SORCS3: variants seen among roughly 807,000 people sequenced by gnomAD.
SORCS3 encodes the protein VPS10 domain-containing receptor SorCS3.
A neutral mutation model predicts 146.3 loss-of-function variants in SORCS3; 57 were observed. The ratio of observed to expected loss-of-function variants is 0.39; its 90% CI spans 0.31 to 0.49. The LOEUF is 0.49. Among genes scored for constraint, SORCS3 ranks in the 20% least tolerant of loss-of-function variants. SORCS3 has a pLI of 0.92. For synonymous variants in SORCS3, 653 were observed against 618.5 expected (o/e 1.06, Z -0.83); for missense variants, 1,341 against 1,575.5 (o/e 0.85, Z 2.52).
chr10:105,061,888 C>T (rs927807395), intron 5 of SORCS3, among the ~76,000 whole-genome samples: 1 of 152,088 alleles, frequency 6.6e-6, no homozygotes, highest in Non-Finnish European at 1.5e-5. Flanking sequence ...TGTGGGCTGC[C>T]ACCAGGGGAG....
chr10:104,652,593 C>T (rs2015576547), intron 1 of SORCS3, among the ~76,000 whole-genome samples: 1 of 152,164 alleles, frequency 6.6e-6, no homozygotes, highest in South Asian at 2.1e-4. Context: ...TGCCTTCTCT[C>T]AGTACAAATG....
intron 1 of SORCS3, among the ~76,000 whole-genome samples, chr10:104,668,798 C>T (rs184730987): frequency 7.2e-5 from 11 of 152,226 alleles, no homozygotes; most frequent in Middle Eastern, 3.4e-3. Flanking sequence ...TTTACAGGCA[C>T]CATAGGTGAA....
chr10:104,870,439 GTT>G (rs11318733), intron 2 of SORCS3, among the ~76,000 whole-genome samples: 18 of 150,292 alleles, frequency 1.2e-4, no homozygotes, highest in African/African-American at 2.4e-4. Context: ...TTTGTTTAAT[GTT>G]TTTTTTTTTC....
chr10:105,242,499 TA>T (rs2056834275), intron 20 of SORCS3, among the ~76,000 whole-genome samples: 1 of 83,262 alleles, frequency 1.2e-5, no homozygotes, highest in Non-Finnish European at 2.1e-5. Flanking sequence ...TATTTATATA[TA>T]TTTATATATA....
intron 2 of SORCS3, among the ~76,000 whole-genome samples, chr10:104,913,805 C>T (rs2018995502): frequency 7.4e-6 from 1 of 134,316 alleles, no homozygotes; most frequent in Non-Finnish European, 1.5e-5. Context: ...CGGAGTCTCA[C>T]TGTCACTCAG....
At chr10:105,174,816 C>T (rs2056386608) in intron 13 of SORCS3, among the ~76,000 whole-genome samples, 1 of 152,112 alleles carries the variant, frequency 6.6e-6, no homozygotes, top group Admixed American at 6.6e-5. Context: ...CCTTGATCAT[C>T]TACAATTTCT....
intron 1 of SORCS3, among the ~76,000 whole-genome samples, chr10:104,772,839 A>G (rs1272428011): frequency 6.6e-6 from 1 of 152,210 alleles, no homozygotes; most frequent in African/African-American, 2.4e-5. Context: ...TGTTGCATGT[A>G]TGGTCAGTCA....
chr10:105,236,595 A>C (rs1206170217), intron 20 of SORCS3, among the ~76,000 whole-genome samples: 1 of 152,140 alleles, frequency 6.6e-6, no homozygotes, highest in Non-Finnish European at 1.5e-5. Flanking sequence ...TGTTACCAAC[A>C]CAGTGATTTA....
chr10:104,800,982 G>T (rs1240186647), intron 1 of SORCS3, among the ~76,000 whole-genome samples: 1 of 152,210 alleles, frequency 6.6e-6, no homozygotes, highest in Non-Finnish European at 1.5e-5. Flanking sequence ...TAGCTAGTCA[G>T]CACTGAGTCT....
At chr10:105,039,200 C>T (rs780953126) in intron 4 of SORCS3, among the ~76,000 whole-genome samples, 2 of 151,974 alleles carry the variant, frequency 1.3e-5, no homozygotes, top group African/African-American at 2.4e-5. Context: ...AGATCCAACT[C>T]GTGGTAGAAT....
At chr10:104,840,461 C>T (rs1290600558) in intron 1 of SORCS3, among the ~76,000 whole-genome samples, 2 of 152,176 alleles carry the variant, frequency 1.3e-5, no homozygotes, top group Admixed American at 6.5e-5. Flanking sequence ...ACCTATCAGT[C>T]TATATAGGAA....
intron 2 of SORCS3, among the ~76,000 whole-genome samples, chr10:104,892,379 A>G (rs1255880736): frequency 6.6e-6 from 1 of 152,188 alleles, no homozygotes. Context: ...TCTGTTTCAC[A>G]TATGTTACTT....
intron 4 of SORCS3, among the ~76,000 whole-genome samples, chr10:105,028,088 A>T (rs1030146674): frequency 6.6e-6 from 1 of 152,208 alleles, no homozygotes; most frequent in African/African-American, 2.4e-5. Context: ...ATAGATCATA[A>T]CTACCACAAA....
Position 105,206,390 on chromosome 10 carries a change from T to A in SORCS3, c.2262-4747T>A, listed in dbSNP as rs74157462. 9.7e-3 allele frequency among the ~76,000 whole-genome samples: 1,478 copies of A among 152,278 alleles called. 30 individuals carry two copies. Among genetic ancestry groups the A allele is most frequent in the South Asian group, 0.045 (217 of 4,820 alleles). On this transcript the variant is annotated intron_variant, in intron 16 of 26. Transcript: ENST00000369701. Reference sequence around the variant, plus strand: ...CCATATTAGCTTAATATAAAATATTTCTCTTATCATAGAAAGTTCTATTGA... The same window carrying A: ...CCATATTAGCTTAATATAAAATATTACTCTTATCATAGAAAGTTCTATTGA...
chr10:105,030,138 C>G (rs1219674503), intron 4 of SORCS3, among the ~76,000 whole-genome samples: 3 of 152,164 alleles, frequency 2.0e-5, no homozygotes, highest in African/African-American at 7.2e-5. Context: ...CTCTGTGTAT[C>G]AGCTAGTTAA....
intron 20 of SORCS3, among the ~76,000 whole-genome samples, chr10:105,229,712 A>T (rs1368426642): frequency 6.6e-6 from 1 of 152,208 alleles, no homozygotes; most frequent in Non-Finnish European, 1.5e-5. Flanking sequence ...CTGGGATGTC[A>T]GGTGGGCCAG....
chr10:104,828,260 G>C (rs778566468), intron 1 of SORCS3, among the ~76,000 whole-genome samples: 1 of 152,138 alleles, frequency 6.6e-6, no homozygotes, highest in Non-Finnish European at 1.5e-5. Flanking sequence ...AGTGTGAGAT[G>C]TGTGACTCTT....
intron 1 of SORCS3, among the ~76,000 whole-genome samples, chr10:104,707,835 G>C (rs1027043075): frequency 3.3e-5 from 5 of 152,160 alleles, no homozygotes; most frequent in African/African-American, 1.2e-4. Flanking sequence ...CTCCAAGCCT[G>C]TTCTTTATCC....
chr10:104,975,949 A>G (rs1223361698), intron 3 of SORCS3, among the ~76,000 whole-genome samples: 1 of 152,252 alleles, frequency 6.6e-6, no homozygotes, highest in African/African-American at 2.4e-5. Context: ...ACCTAAAACC[A>G]TAAAAACCCT....
Sources: gnomAD v4.1 joint callset for allele counts (sites outside exome capture counted in the v4.1 genomes callset) on GRCh38, gnomAD v4.1.1 for gene constraint, MANE v1.5 for transcripts, NCBI Gene and HGNC (gene_info 2026-07-23, HGNC 2026-07-21) for gene names.